Variants in GMDS observed in about 807,000 individuals in gnomAD.
GMDS encodes the protein GDP-mannose 4,6 dehydratase.
A neutral mutation model predicts 49.9 loss-of-function variants in GMDS; 20 were observed. The observed-to-expected ratio is 0.40, with a 90% CI of 0.28 to 0.58. The LOEUF is 0.58. GMDS is among the 20% of genes least tolerant of loss of function. The probability of loss-of-function intolerance (pLI) is 0.42; values close to 1 mark genes in which losing one functional copy is unlikely to be tolerated. For synonymous variants in GMDS, 177 were observed against 178.6 expected, an observed-to-expected ratio of 0.99 and a Z score of 0.07; for missense variants, 362 against 481.4, an observed-to-expected ratio of 0.75 and a Z score of 2.32.
At chr6:2,202,809 C>T (rs1038226721) in intron 1 of GMDS, among the ~76,000 whole-genome samples, 2 of 152,080 alleles carry the variant, frequency 1.3e-5, no homozygotes, top group Non-Finnish European at 2.9e-5. Flanking sequence ...TGGTTCTGGA[C>T]CACAGTGGAG....
At chr6:1,831,746 G>T (rs532856871) in intron 7 of GMDS, among the ~76,000 whole-genome samples, 5 of 152,030 alleles carry the variant, frequency 3.3e-5, no homozygotes, top group African/African-American at 1.2e-4. Context: ...AGAGGTATTT[G>T]CCAGAGCAAG....
intron 7 of GMDS, among the ~76,000 whole-genome samples, chr6:1,907,544 T>C (rs1187272320): frequency 1.3e-5 from 2 of 152,196 alleles, no homozygotes; most frequent in Non-Finnish European, 2.9e-5. Context: ...TGTTCCACCT[T>C]TGAAGGTATC....
intron 7 of GMDS, among the ~76,000 whole-genome samples, chr6:1,878,030 C>T (rs367871161): frequency 6.6e-6 from 1 of 152,038 alleles, no homozygotes; most frequent in Non-Finnish European, 1.5e-5. Flanking sequence ...TTTAAGAAGT[C>T]CTGCTGGGCG....
At chr6:1,987,934 A>G (rs1234809542) in intron 4 of GMDS, among the ~76,000 whole-genome samples, 1 of 152,218 alleles carries the variant, frequency 6.6e-6, no homozygotes, top group Admixed American at 6.5e-5. Flanking sequence ...GCTCAGAGCA[A>G]TTAAGGAGCT....
chr6:2,167,783 A>C (rs891844169), intron 1 of GMDS, among the ~76,000 whole-genome samples: 1 of 152,098 alleles, frequency 6.6e-6, no homozygotes, highest in African/African-American at 2.4e-5. Flanking sequence ...TCCCATCACA[A>C]GTTACACAGA....
At chr6:1,935,236 T>C (rs1274269246) in intron 6 of GMDS, among the ~76,000 whole-genome samples, 3 of 152,218 alleles carry the variant, frequency 2.0e-5, no homozygotes, top group African/African-American at 7.2e-5. Context: ...CATAGTCTCC[T>C]CTGTGTACTA....
chr6:1,860,280 T>C (rs1337979031), intron 7 of GMDS, among the ~76,000 whole-genome samples: 1 of 152,220 alleles, frequency 6.6e-6, no homozygotes, highest in African/African-American at 2.4e-5. Context: ...TAGATTACCA[T>C]TCAGCAATCA....
intron 6 of GMDS, chr6:1,951,748 C>T (rs925447085): frequency 9.1e-6 from 3 of 330,758 alleles, no homozygotes; most frequent in African/African-American, 2.2e-5. Context: ...TTCTTGATAA[C>T]AGGCAAGAGA....
At chr6:2,006,855 T>G (rs1274614398) in intron 4 of GMDS, among the ~76,000 whole-genome samples, 9 of 152,258 alleles carry the variant, frequency 5.9e-5, no homozygotes, top group Admixed American at 5.9e-4. Context: ...TCAAAGCAAC[T>G]GGGAGAATTA....
At chr6:2,124,428 C>T (rs1415665734) in intron 2 of GMDS, among the ~76,000 whole-genome samples, 2 of 152,188 alleles carry the variant, frequency 1.3e-5, no homozygotes, top group African/African-American at 2.4e-5. Flanking sequence ...CAGGCTGCTG[C>T]GTTATCGGAG....
At chr6:1,925,303 A>C (rs1469816262) in intron 7 of GMDS, among the ~76,000 whole-genome samples, 1 of 152,230 alleles carries the variant, frequency 6.6e-6, no homozygotes, top group Non-Finnish European at 1.5e-5. Context: ...CTTCTCACTC[A>C]TTTAAATAAC....
At position 2,048,787 on chromosome 6, in the gene GMDS, C is replaced by G. The variant is rs116703618; in HGVS notation, c.345+66984G>C. Reference sequence around the variant, plus strand: ...TATGCTATCATAAACAGCATATTTTCAAATTTTTCTTTTCTGTTTGTTGTT... The same window carrying G: ...TATGCTATCATAAACAGCATATTTTGAAATTTTTCTTTTCTGTTTGTTGTT... On this transcript the variant is annotated intron_variant, in intron 4 of 10. Transcript: ENST00000380815. Among the ~76,000 whole-genome samples, 545 of 152,182 alleles carry G rather than the reference C, an allele frequency of 3.6e-3. 2 individuals are homozygous for G. Among genetic ancestry groups the G allele is most frequent in the African/African-American group, 0.012 (506 of 41,518 alleles).
At chr6:1,672,044 A>G (rs889461983) in intron 9 of GMDS, among the ~76,000 whole-genome samples, 13 of 152,212 alleles carry the variant, frequency 8.5e-5, no homozygotes, top group African/African-American at 3.1e-4. Context: ...TTTCAAAATG[A>G]CAAAACTGCA....
At chr6:2,163,138 T>C (rs1181405837) in intron 1 of GMDS, among the ~76,000 whole-genome samples, 1 of 152,206 alleles carries the variant, frequency 6.6e-6, no homozygotes, top group Non-Finnish European at 1.5e-5. Flanking sequence ...AGGCTACTTT[T>C]ATAATGCTGA....
At chr6:1,702,353 T>C (rs1765571730) in intron 9 of GMDS, among the ~76,000 whole-genome samples, 1 of 152,214 alleles carries the variant, frequency 6.6e-6, no homozygotes, top group African/African-American at 2.4e-5. Flanking sequence ...GCCTAAAACA[T>C]GAGACTGTAT....
intron 9 of GMDS, among the ~76,000 whole-genome samples, chr6:1,627,264 A>G (rs1333071736): frequency 6.6e-6 from 1 of 152,204 alleles, no homozygotes; most frequent in Non-Finnish European, 1.5e-5. Context: ...GATATAGTCA[A>G]TGGTTCATCC....
intron 1 of GMDS, among the ~76,000 whole-genome samples, chr6:2,229,968 A>T (rs1016498227): frequency 1.3e-5 from 2 of 151,816 alleles, no homozygotes; most frequent in South Asian, 4.2e-4. Context: ...CCATGGAAAC[A>T]ACAATGCTGC....
At chr6:1,701,489 G>A (rs1189624404) in intron 9 of GMDS, among the ~76,000 whole-genome samples, 1 of 151,856 alleles carries the variant, frequency 6.6e-6, no homozygotes, top group Non-Finnish European at 1.5e-5. Flanking sequence ...CCCATTCATC[G>A]ACAGAGCAAC....
chr6:1,758,388 T>C (rs1411591381), intron 7 of GMDS, among the ~76,000 whole-genome samples: 1 of 152,176 alleles, frequency 6.6e-6, no homozygotes, highest in East Asian at 1.9e-4. Context: ...AATGCCTGCC[T>C]GCCTCATCCA....
Sources: gnomAD v4.1 joint callset for allele counts (sites outside exome capture counted in the v4.1 genomes callset) on GRCh38, gnomAD v4.1.1 for gene constraint, MANE v1.5 for transcripts, NCBI Gene and HGNC (gene_info 2026-07-23, HGNC 2026-07-21) for gene names.